The following ACP2 variants were observed in gnomAD, a reference collection of about 807,000 sequenced individuals.
The protein encoded by ACP2 is lysosomal acid phosphatase.
ACP2 carries 35 observed loss-of-function variants against 54.7 expected under a neutral mutation model. The observed-to-expected ratio is 0.64, with a 90% CI of 0.49 to 0.85. The LOEUF (loss-of-function observed/expected upper bound fraction) is 0.85, where lower values mean the gene tolerates loss of function less well. Among genes scored for constraint, ACP2 ranks in the 40% least tolerant of loss-of-function variants. The pLI, the probability that ACP2 is intolerant of heterozygous loss-of-function variation, is 0.00. For synonymous variants in ACP2, 210 were observed against 224.4 expected (o/e 0.94, Z 0.57); for missense variants, 492 against 565.0 (o/e 0.87, Z 1.31).
Position 47,242,854 on chromosome 11 carries a change from G to A in ACP2, c.1007C>T (p.Ala336Val), listed in dbSNP as rs146415412. 102 of 1,613,976 alleles carry A rather than the reference G, an allele frequency of 6.3e-5. No individual in the cohort carries two copies. Among genetic ancestry groups the A allele is most frequent in the Non-Finnish European group, 8.3e-5 (98 of 1,179,832 alleles). ...EMYFRNESDK[A>V]PWPLSLPGCP... ...GCCAGGCAGGCTGAGCGGCCAGGGGGCCTTGTCACTCTCGTTCCGAAAGTA... is the reference window on the plus strand; with the variant it reads ...GCCAGGCAGGCTGAGCGGCCAGGGGACCTTGTCACTCTCGTTCCGAAAGTA... The change falls in exon 10 of 11, where the codon GCC becomes GTC. Residue 336 changes from alanine (A) to valine (V), a missense_variant. By Grantham distance (64) the Ala-to-Val change is moderately conservative (BLOSUM62 0). Transcript: ENST00000672073.
rs761209600 is a variant in ACP2, at chr11:47,240,121, C to T, written c.1267G>A (p.Ala423Thr). 1.7e-5 allele frequency: 27 copies of T among 1,612,960 alleles called. No individual in the cohort carries two copies. The highest frequency in any genetic ancestry group is 1.1e-4 in the South Asian group (10 of 90,992). The change falls in exon 11 of 11, where the codon GCC becomes ACC. Residue 423 changes from alanine (A) to threonine (T), a missense_variant. Ala to Thr is a moderately conservative substitution (Grantham distance 58, BLOSUM62 0). Transcript: ENST00000672073. ...YRHVADGEDH[A>T] ...GGAAGGGGGCTGAGTGGTTGTCAGG[C>T]GTGGTCCTCCCCATCTGCGACGTGG... is the stretch of plus-strand genomic sequence containing the variant.
intron 7 of ACP2, among the ~76,000 whole-genome samples, chr11:47,243,775 G>T (rs1315591674): frequency 6.6e-6 from 1 of 152,148 alleles, no homozygotes; most frequent in East Asian, 1.9e-4. Context: ...ATGGCCCCCA[G>T]TGGTTCTCTT....
At chr11:47,246,227 G>T (rs1361510101) in intron 3 of ACP2, among the ~76,000 whole-genome samples, 1 of 152,152 alleles carries the variant, frequency 6.6e-6, no homozygotes, top group African/African-American at 2.4e-5. Flanking sequence ...CTAGATCAGG[G>T]TCCTTGGGGC....
At chr11:47,242,578 A>T (rs912195925) in intron 10 of ACP2, 145 bp downstream of exon 10, 12 of 836,406 alleles carry the variant, frequency 1.4e-5, no homozygotes, top group Non-Finnish European at 2.2e-5. Flanking sequence ...AAGTGGGGAG[A>T]AGGTATAAAG....
rs765859385 is a variant in ACP2, at chr11:47,240,139, C to T, written c.1249G>A (p.Ala417Thr). ...TGTCAGGCGTGGTCCTCCCCATCTG[C>T]GACGTGGCGGTAGCCAGGAGGCTGG... Reference protein sequence around the residue: ...QAQPPGYRHVADGEDHA With the variant: ...QAQPPGYRHVTDGEDHA Residue 417 changes from alanine to threonine, a missense_variant, in exon 11 of 11, where the codon GCA (alanine) becomes ACA (threonine). Coordinates refer to ENST00000672073, the MANE Select transcript of ACP2 (RefSeq NM_001610.4). The T allele has an allele frequency of 5.0e-6, 8 of 1,613,856 alleles. No homozygotes were observed. Among genetic ancestry groups the T allele is most frequent in the East Asian group, 2.2e-5 (1 of 44,874 alleles).
Position 47,248,140 on chromosome 11 carries a change from G to A in ACP2, c.115-7C>T. ...GGTCTCCATGGCGGTACAGCTGAGA[G>A]AATAAAATGGTTTGCCTATAGGTCA... On this transcript the variant is annotated splice_region_variant and splice_polypyrimidine_tract_variant and intron_variant, in intron 1 of 10. Coordinates refer to ENST00000672073, the MANE Select transcript of ACP2 (RefSeq NM_001610.4). 3.1e-6 allele frequency: 5 copies of A among 1,592,974 alleles called. No homozygotes were observed. Among genetic ancestry groups the A allele is most frequent in the African/African-American group, 1.4e-5 (1 of 73,874 alleles).
intron 2 of ACP2, 133 bp downstream of exon 2, chr11:47,247,905 A>G: frequency 1.1e-6 from 1 of 946,224 alleles, no homozygotes; most frequent in South Asian, 1.7e-5. Context: ...ACAGAGATTA[A>G]GGTTATGAAA....
intron 10 of ACP2, among the ~76,000 whole-genome samples, chr11:47,242,045 T>A (rs1389708997): frequency 6.6e-6 from 1 of 152,168 alleles, no homozygotes; most frequent in East Asian, 1.9e-4. Context: ...TCCTGGGTCA[T>A]CCGTTCTTTA....
At chr11:47,246,295 G>A (rs1954076630) in intron 3 of ACP2, among the ~76,000 whole-genome samples, 1 of 152,188 alleles carries the variant, frequency 6.6e-6, no homozygotes, top group Non-Finnish European at 1.5e-5. Context: ...AAGATAAAGG[G>A]CTGGGCCTGG....
intron 3 of ACP2, among the ~76,000 whole-genome samples, chr11:47,246,365 C>G (rs1954080015): frequency 6.6e-6 from 1 of 152,130 alleles, no homozygotes; most frequent in South Asian, 2.1e-4. Flanking sequence ...CGCTTGAGGC[C>G]AGGAGCTCGA....
In ACP2 at chr11:47,245,384, T is replaced by A. The variant is rs778684657; in HGVS notation, c.560A>T (p.Asp187Val). 6.2e-7 allele frequency: 1 copy of A among 1,614,144 alleles called. No homozygotes were observed. Among genetic ancestry groups the A allele is most frequent in the Non-Finnish European group, 8.5e-7 (1 of 1,180,022 alleles). Reference sequence around the variant, plus strand: ...AAGCCCTGTCTCGTTGGCCACCATGTCCAGAAATTGCTATGAAAAATGGAT... The same window carrying A: ...AAGCCCTGTCTCGTTGGCCACCATGACCAGAAATTGCTATGAAAAATGGAT... ...NESSRNAQFL[D>V]MVANETGLTD... Residue 187 changes from aspartate (D) to valine (V), a missense_variant, in exon 6 of 11, where the codon GAC becomes GTC. Transcript: ENST00000672073.
chr11:47,247,690 A>G lies in ACP2; in HGVS notation c.248T>C (p.Leu83Pro), dbSNP rs1440842988. The change falls in exon 3 of 11, where the codon CTG (leucine) becomes CCG (proline). Residue 83 changes from leucine (L) to proline (P), a missense_variant. Physicochemically the swap from Leu to Pro is moderately conservative, Grantham distance 98 (BLOSUM62 -3). Transcript: ENST00000672073. ...TAGGAAGCCGTGATAGCGCTGCCGC[A>G]GGGCCTGGCCCAGTTCCCAGTGCTG... ...MLQHWELGQA[L>P]RQRYHGFLNT... is the part of the protein sequence containing the mutation. 1.9e-6 allele frequency: 3 copies of G among 1,613,976 alleles called. No individual in the cohort carries two copies. Among genetic ancestry groups the G allele is most frequent in the Non-Finnish European group, 2.5e-6 (3 of 1,180,054 alleles).
Position 47,248,656 on chromosome 11 carries a change from GTGAGCCCATCTC to G in ACP2, c.114+8_114+19del. On this transcript the variant is annotated splice_region_variant and intron_variant, in intron 1 of 10. Coordinates refer to ENST00000672073, the MANE Select transcript of ACP2 (RefSeq NM_001610.4). ...CCTTTTAGCTTCAGGGAAGTCTTTG[GTGAGCCCATCTC>G]TCATTACCAAGGTAACGAAGCGCAG... The G allele has an allele frequency of 6.2e-7, 1 of 1,600,938 alleles. No individual in the cohort carries two copies. The highest frequency in any genetic ancestry group is 8.5e-7 in the Non-Finnish European group (1 of 1,173,890).
At chr11:47,247,060 G>C (rs1193594960) in intron 3 of ACP2, among the ~76,000 whole-genome samples, 1 of 152,070 alleles carries the variant, frequency 6.6e-6, no homozygotes, top group Non-Finnish European at 1.5e-5. Context: ...CCCCATTCCT[G>C]GGGTGGGGCG....
chr11:47,240,617 T>C (rs1398221827), intron 10 of ACP2, among the ~76,000 whole-genome samples: 9 of 151,806 alleles, frequency 5.9e-5, no homozygotes, highest in Admixed American at 5.9e-4. Flanking sequence ...GTCAAGAGTT[T>C]GAGACCAGCC....
At chr11:47,243,476 C>T (rs1354236068) in intron 7 of ACP2, among the ~76,000 whole-genome samples, 155 bp from the exon 8 acceptor site, 1 of 152,204 alleles carries the variant, frequency 6.6e-6, no homozygotes, top group East Asian at 1.9e-4. Context: ...AACTCTGTGG[C>T]ACCCCTCCTC....
Position 47,242,862 on chromosome 11 carries a change from ACT to A in ACP2, c.997_998del (p.Ser333Ter). ...FSVEMYFRNE[S>X]DKAPWPLSLP... ...GGCTGAGCGGCCAGGGGGCCTTGTC[ACT>A]CTCGTTCCGAAAGTACATCTCCACT... On this transcript the variant is annotated frameshift_variant, in exon 10 of 11. Transcript: ENST00000672073. LOFTEE classifies it high-confidence loss of function. 6.2e-7 allele frequency: 1 copy of A among 1,613,336 alleles called. No homozygotes were observed. Among genetic ancestry groups the A allele is most frequent in the South Asian group, 1.1e-5 (1 of 91,058 alleles).
In ACP2 at chr11:47,245,366, G is replaced by C. The variant is rs1392183528; in HGVS notation, c.578C>G (p.Thr193Arg). 6.2e-7 allele frequency: 1 copy of C among 1,614,176 alleles called. No homozygotes were observed. Among genetic ancestry groups the C allele is most frequent in the East Asian group, 2.2e-5 (1 of 44,886 alleles). The change falls in exon 6 of 11, where the codon ACA becomes AGA. Residue 193 changes from threonine (T) to arginine (R), a missense_variant. By Grantham distance (71) the Thr-to-Arg change is moderately conservative (BLOSUM62 -1). Coordinates refer to ENST00000672073, the MANE Select transcript of ACP2 (RefSeq NM_001610.4). ...CTCCAGTGTCAGGTCTGTAAGCCCT[G>C]TCTCGTTGGCCACCATGTCCAGAAA... ...AQFLDMVANE[T>R]GLTDLTLETV...
intron 1 of ACP2, 77 bp from the exon 2 acceptor site, chr11:47,248,210 TGTTA>T: frequency 1.4e-6 from 2 of 1,403,200 alleles, no homozygotes; most frequent in Non-Finnish European, 1.9e-6. Context: ...TTTTGCCCCA[TGTTA>T]GGGAAGGAAG....
Sources: gnomAD v4.1 joint callset for allele counts (sites outside exome capture counted in the v4.1 genomes callset) on GRCh38, gnomAD v4.1.1 for gene constraint, MANE v1.5 for transcripts, NCBI Gene and HGNC (gene_info 2026-07-23, HGNC 2026-07-21) for gene names.